Variants in CD33 observed in about 807,000 individuals in gnomAD.
The protein encoded by CD33 is CD33 molecule.
CD33 carries 25 observed loss-of-function variants against 31.4 expected under a neutral mutation model. That is an observed-to-expected ratio of 0.80 (90% CI 0.58 to 1.11). CD33 has a LOEUF of 1.11. Among genes scored for constraint, CD33 ranks in the 50% most tolerant of loss-of-function variants. The probability of loss-of-function intolerance (pLI) is 0.00; values close to 1 mark genes in which losing one functional copy is unlikely to be tolerated. For synonymous variants in CD33, 176 were observed against 180.6 expected (o/e 0.97, Z 0.20); for missense variants, 407 against 448.1 (o/e 0.91, Z 0.83).
chr19:51,212,356 G>A, the CD33 span, among the ~76,000 whole-genome samples: 3 of 152,076 alleles, frequency 2.0e-5, no homozygotes, highest in African/African-American at 7.2e-5. Flanking sequence ...GAAGGCACAG[G>A]TAGGATAGAA....
At chr19:51,226,193 G>C (rs1262873704) in intron 3 of CD33, 112 bp downstream of exon 3, 36 of 1,513,740 alleles carry the variant, frequency 2.4e-5, no homozygotes, top group Non-Finnish European at 3.0e-5. Context: ...GGAGCCAGAA[G>C]GACATGAGCC....
the CD33 span, chr19:51,211,625 G>C: frequency 2.8e-6 from 4 of 1,406,274 alleles, no homozygotes; most frequent in Non-Finnish European, 3.9e-6. Flanking sequence ...ACAAGGGAAG[G>C]TCAAAGGGAC....
intron 4 of CD33, among the ~76,000 whole-genome samples, chr19:51,231,766 A>ATT (rs796405589): frequency 7.3e-6 from 1 of 136,528 alleles, no homozygotes; most frequent in African/African-American, 2.6e-5. Flanking sequence ...TATTTTTATT[A>ATT]TTTTTTTTTT....
Position 51,226,327 on chromosome 19 carries a change from C to A in CD33, c.716C>A (p.Thr239Lys), listed in dbSNP as rs745470324. Residue 239 changes from threonine (T) to lysine (K), a missense_variant, in exon 4 of 7, where the codon ACA becomes AAA. Thr to Lys is a moderately conservative substitution (Grantham distance 78, BLOSUM62 -1). Transcript: ENST00000262262. ...CTCCTAGATGTTCCACAGAACCCAA[C>A]AACTGGTATCTTTCCAGGAGATGGC... ...LNVTYVPQNPTTGIFPGDGSG... is the reference protein window; with the variant it reads ...LNVTYVPQNPKTGIFPGDGSG... 2 of 1,611,454 alleles carry A rather than the reference C, an allele frequency of 1.2e-6. No individual in the cohort carries two copies. The highest frequency in any genetic ancestry group is 2.7e-5 in the African/African-American group (2 of 74,920).
chr19:51,235,893 T>C (rs954280561), intron 6 of CD33: 9 of 703,936 alleles, frequency 1.3e-5, no homozygotes, highest in African/African-American at 1.0e-4. Flanking sequence ...GCACAGTGTT[T>C]CACACCTGCA....
the CD33 span, chr19:51,211,485 C>T: frequency 3.8e-6 from 6 of 1,559,840 alleles, no homozygotes; most frequent in African/African-American, 4.1e-5. Context: ...CCCTGAGCAT[C>T]GTAGACGCCA....
upstream of CD33, among the ~76,000 whole-genome samples, chr19:51,222,914 T>C (rs970784764): frequency 2.6e-5 from 4 of 152,212 alleles, no homozygotes; most frequent in Non-Finnish European, 4.4e-5. Flanking sequence ...AGTATGACTT[T>C]ATTGTTAAAA....
In CD33 at chr19:51,226,310, T is replaced by C; in HGVS notation, c.699T>C (p.Tyr233=). The part of the protein sequence containing the change: ...TERTIQLNVT[Y]VPQNPTTGIF... ...GGAAATCCTCTCTTCCTCTCCTAGA[T>C]GTTCCACAGAACCCAACAACTGGTA... is the stretch of plus-strand genomic sequence containing the variant. The change falls in exon 4 of 7, where the codon TAT becomes TAC. Residue 233 remains tyrosine, a splice_region_variant and synonymous_variant. Transcript: ENST00000262262. The C allele has an allele frequency of 6.2e-7, 1 of 1,613,876 alleles. No homozygotes were observed. Among genetic ancestry groups the C allele is most frequent in the Non-Finnish European group, 8.5e-7 (1 of 1,179,788 alleles).
upstream of CD33, among the ~76,000 whole-genome samples, chr19:51,220,398 G>C (rs902340190): frequency 5.9e-5 from 9 of 152,186 alleles, 1 homozygote; most frequent in Non-Finnish European, 1.2e-4. Flanking sequence ...CAACACTCCA[G>C]AGACTTGAGA....
intron 4 of CD33, among the ~76,000 whole-genome samples, chr19:51,234,249 A>G (rs1270926548): frequency 6.6e-6 from 1 of 152,126 alleles, no homozygotes; most frequent in Non-Finnish European, 1.5e-5. Context: ...AGAGTGGTAC[A>G]TTTGTTACAG....
In CD33 at chr19:51,225,383, C is replaced by G. The variant is rs376684340; in HGVS notation, c.203C>G (p.Ser68Cys). Residue 68 changes from serine to cysteine, a missense_variant, in exon 2 of 7, where the codon TCC (serine) becomes TGC (cysteine). Coordinates refer to ENST00000262262, the MANE Select transcript of CD33 (RefSeq NM_001772.4). ...TGGTTCCGGGAAGGAGCCATTATATCCAGGGACTCTCCAGTGGCCACAAAC... is the reference window on the plus strand; with the variant it reads ...TGGTTCCGGGAAGGAGCCATTATATGCAGGGACTCTCCAGTGGCCACAAAC... ...GYWFREGAII[S>C]RDSPVATNKL... 1.9e-6 allele frequency: 3 copies of G among 1,614,056 alleles called. No homozygotes were observed. The African/African-American group carries it at 4.0e-5, about 22-fold the overall frequency.
chr19:51,232,536 A>C (rs1981492840), intron 4 of CD33, among the ~76,000 whole-genome samples: 1 of 152,056 alleles, frequency 6.6e-6, no homozygotes, highest in Non-Finnish European at 1.5e-5. Context: ...AAATACCATA[A>C]TGTGAATATT....
At chr19:51,212,146 T>A in the CD33 span, 1 of 483,472 alleles carries the variant, frequency 2.1e-6, no homozygotes, top group South Asian at 1.9e-5. Flanking sequence ...GGACCAGGAC[T>A]GGGGCCACTG....
chr19:51,226,111 C>T lies in CD33; in HGVS notation c.697+30C>T, dbSNP rs759281275. ...GTGCTGGGCCAGGATGCTGGGGTCC[C>T]TGAGGGTGTAGGGGAGACAGGATGG... On this transcript the variant is annotated intron_variant, in intron 3 of 6. Transcript: ENST00000262262. The T allele has an allele frequency of 9.3e-6, 15 of 1,609,498 alleles. No individual in the cohort carries two copies. In the South Asian group the frequency reaches 1.4e-4, roughly 15 times the overall value.
chr19:51,214,431 C>CAA, the CD33 span, among the ~76,000 whole-genome samples: 6 of 147,666 alleles, frequency 4.1e-5, no homozygotes, highest in Non-Finnish European at 9.0e-5. Flanking sequence ...TTTCTGACCT[C>CAA]GTGATCTGCC....
chr19:51,218,872 C>G, the CD33 span, among the ~76,000 whole-genome samples: 1 of 152,160 alleles, frequency 6.6e-6, no homozygotes, highest in Non-Finnish European at 1.5e-5. Context: ...TATTCTGTTT[C>G]ATTAATCTGT....
intron 4 of CD33, among the ~76,000 whole-genome samples, chr19:51,230,405 C>T (rs933445522): frequency 1.1e-3 from 167 of 152,232 alleles, no homozygotes; most frequent in Admixed American, 2.5e-3. Context: ...TTAAATCCAA[C>T]GTTTATTTGT....
chr19:51,221,351 G>A (rs1980680922), upstream of CD33, among the ~76,000 whole-genome samples: 2 of 152,198 alleles, frequency 1.3e-5, no homozygotes, highest in South Asian at 4.2e-4. Context: ...TGGCAAACAG[G>A]CTCATGAAAA....
the CD33 span, among the ~76,000 whole-genome samples, chr19:51,214,809 T>A: frequency 6.6e-6 from 1 of 152,172 alleles, no homozygotes; most frequent in Admixed American, 6.5e-5. Flanking sequence ...ATAGTGTCAA[T>A]CACTAAACAG....
Sources: gnomAD v4.1 joint callset for allele counts (sites outside exome capture counted in the v4.1 genomes callset) on GRCh38, gnomAD v4.1.1 for gene constraint, MANE v1.5 for transcripts, NCBI Gene and HGNC (gene_info 2026-07-23, HGNC 2026-07-21) for gene names.